Variants in ANXA10 observed in about 807,000 individuals in gnomAD.
ANXA10 encodes the protein annexin A10, also known as annexin 14.
Under a neutral mutation model 53.5 loss-of-function variants are expected in ANXA10, and 49 were observed. That is an observed-to-expected ratio of 0.92 (90% CI 0.73 to 1.16). The LOEUF (loss-of-function observed/expected upper bound fraction) is 1.16. Ranked by LOEUF, ANXA10 falls within the 50% of genes most tolerant of loss-of-function variation. ANXA10 has a pLI of 0.00. For synonymous variants in ANXA10, 131 were observed against 128.9 expected (o/e 1.02, Z -0.11); for missense variants, 393 against 394.4 (o/e 1.00, Z 0.03).
At chr4:168,127,817 C>CTTTTTTTATTTTTTTTTTTTTTT (rs1731094148) in intron 1 of ANXA10, 1 of 143,768 alleles carries the variant, frequency 7.0e-6, no homozygotes, top group African/African-American at 9.1e-5. Context: ...ATGTTGAAAC[C>CTTTTTTTATTTTTTTTTTTTTTT]TTTTTTTTTT....
intron 6 of ANXA10, among the ~76,000 whole-genome samples, chr4:168,171,901 A>G (rs1347492198): frequency 6.6e-6 from 1 of 152,188 alleles, no homozygotes; most frequent in Non-Finnish European, 1.5e-5. Context: ...TACCTAATGG[A>G]TACTTACTGC....
intron 3 of ANXA10, among the ~76,000 whole-genome samples, chr4:168,146,622 T>C (rs1170421003): frequency 6.6e-6 from 1 of 152,142 alleles, no homozygotes; most frequent in Non-Finnish European, 1.5e-5. Context: ...CAGGTAGCAA[T>C]TGTGTGATCT....
At chr4:168,129,495 A>G (rs1731125226) in intron 2 of ANXA10, among the ~76,000 whole-genome samples, 1 of 152,066 alleles carries the variant, frequency 6.6e-6, no homozygotes, top group Non-Finnish European at 1.5e-5. Flanking sequence ...GACCATCATA[A>G]TTTGTTGCTT....
rs1416404297 is a variant in ANXA10, at chr4:168,155,746, TTA to T, written c.196-6776_196-6775del. On this transcript the variant is annotated intron_variant, in intron 3 of 11. Coordinates refer to ENST00000359299, the MANE Select transcript of ANXA10 (RefSeq NM_007193.5). Reference sequence around the variant, plus strand: ...AATATAATATATGATATATCATATATTATATATTATATAATATATGATATATC... The same window carrying T: ...AATATAATATATGATATATCATATATTATATTATATAATATATGATATATC... 5.8e-3 allele frequency among the ~76,000 whole-genome samples: 223 copies of T among 38,758 alleles called. 35 individuals carry two copies. Among genetic ancestry groups the T allele is most frequent in the African/African-American group, 0.02 (187 of 9,398 alleles). The allele number at this position is 38,758 out of a possible 152,430, so 25.4% of individuals were successfully genotyped here.
intron 1 of ANXA10, chr4:168,113,244 AAAGTCC>A (rs1730839683): frequency 6.5e-6 from 1 of 152,776 alleles, no homozygotes; most frequent in Non-Finnish European, 1.5e-5. Flanking sequence ...TGGAGGCTGG[AAAGTCC>A]AAGATCAAGG....
chr4:168,104,799 TTTTA>T lies in ANXA10; in HGVS notation c.18+12089_18+12092del, dbSNP rs368696144. Among the ~76,000 whole-genome samples the T allele has an allele frequency of 1.4e-4, 22 of 151,816 alleles. 1 individual carries two copies. Among genetic ancestry groups the T allele is most frequent in the Admixed American group, 5.3e-4 (8 of 15,234 alleles). On this transcript the variant is annotated intron_variant, in intron 1 of 11. Transcript: ENST00000359299. Reference sequence around the variant, plus strand: ...TTGTCCAAATAATAACTTTACTTCATTTTATTTATTTTTCTCTTTTTAATTTTAT... The same window carrying T: ...TTGTCCAAATAATAACTTTACTTCATTTTATTTTTCTCTTTTTAATTTTAT...
In ANXA10 at chr4:168,183,023, A is replaced by G. The variant is rs867598613; in HGVS notation, c.783+1282A>G. Among the ~76,000 whole-genome samples, 507 of 125,710 alleles carry G rather than the reference A, an allele frequency of 4.0e-3. 2 individuals are homozygous for G. Among genetic ancestry groups the G allele is most frequent in the African/African-American group, 0.015 (473 of 32,444 alleles). The allele number at this position is 125,710 out of a possible 152,430, so 82.5% of individuals were successfully genotyped here. On this transcript the variant is annotated intron_variant, in intron 10 of 11. Coordinates refer to ENST00000359299, the MANE Select transcript of ANXA10 (RefSeq NM_007193.5). ...ACACCGTCTCGGAAAAAAAAAAAAA[A>G]AAAAAAGAAAAAAGAAAAGAAAAAG...
chr4:168,118,438 T>G (rs999743639), intron 1 of ANXA10, among the ~76,000 whole-genome samples: 4 of 152,204 alleles, frequency 2.6e-5, no homozygotes, highest in Non-Finnish European at 5.9e-5. Context: ...ATTTATGCTG[T>G]GCTCTCAGCT....
chr4:168,125,813 AG>A (rs768180429), intron 1 of ANXA10, among the ~76,000 whole-genome samples: 19 of 152,174 alleles, frequency 1.2e-4, no homozygotes, highest in Non-Finnish European at 1.5e-4. Flanking sequence ...TCTTCAGTAT[AG>A]TAAGTTTATG....
At chr4:168,181,845 C>T in intron 10 of ANXA10, 104 bp downstream of exon 10, 1 of 855,156 alleles carries the variant, frequency 1.2e-6, no homozygotes, top group Non-Finnish European at 1.9e-6. Context: ...CATTTTTGAA[C>T]TTGTATGTAC....
intron 6 of ANXA10, 54 bp downstream of exon 6, chr4:168,165,380 T>A: frequency 1.1e-6 from 1 of 894,942 alleles, no homozygotes; most frequent in Non-Finnish European, 1.5e-6. Flanking sequence ...AATAAGTATA[T>A]GTCATTGCCA....
intron 1 of ANXA10, 118 bp downstream of exon 1, chr4:168,092,836 C>A: frequency 1.1e-6 from 1 of 901,218 alleles, no homozygotes; most frequent in Non-Finnish European, 1.6e-6. Flanking sequence ...TGTTTTTATT[C>A]TTACTACTTT....
intron 1 of ANXA10, among the ~76,000 whole-genome samples, chr4:168,126,509 T>G (rs1209341758): frequency 6.6e-6 from 1 of 152,178 alleles, no homozygotes; most frequent in Non-Finnish European, 1.5e-5. Flanking sequence ...CTCTATCTTT[T>G]GCATCTCATA....
intron 3 of ANXA10, among the ~76,000 whole-genome samples, chr4:168,153,265 C>T (rs564839668): frequency 6.6e-6 from 1 of 151,964 alleles, no homozygotes; most frequent in East Asian, 1.9e-4. Flanking sequence ...CATTGACAAT[C>T]GGATATAGCA....
intron 3 of ANXA10, among the ~76,000 whole-genome samples, chr4:168,155,641 TAATTATACATTATATAGTATATTA>T (rs1731611422): frequency 3.6e-5 from 2 of 54,988 alleles, no homozygotes; most frequent in African/African-American, 7.4e-5. Context: ...TAATTATATA[TAATTATACATTATATAGTATATTA>T]TATATAATTA....
At chr4:168,124,275 A>G (rs553570242) in intron 1 of ANXA10, among the ~76,000 whole-genome samples, 21 of 152,306 alleles carry the variant, frequency 1.4e-4, no homozygotes, top group Admixed American at 3.3e-4. Flanking sequence ...CCATGATCAT[A>G]AGGTGAAGTC....
At position 168,179,276 on chromosome 4, in the gene ANXA10, T is replaced by C; in HGVS notation, c.688T>C (p.Tyr230His). 1 of 1,612,072 alleles carries C rather than the reference T, an allele frequency of 6.2e-7. No individual in the cohort carries two copies. Residue 230 changes from tyrosine (Y) to histidine (H), a missense_variant, in exon 9 of 12, where the codon TAT becomes CAT. By Grantham distance (83) the Tyr-to-His change is moderately conservative (BLOSUM62 2). Coordinates refer to ENST00000359299, the MANE Select transcript of ANXA10 (RefSeq NM_007193.5). ...TATGGTAGATGCCATTAATGAATGT[T>C]ATGATGGATACTTTCAGGAGCTGCT... ...QDMVDAINEC[Y>H]DGYFQELLVA...
intron 3 of ANXA10, among the ~76,000 whole-genome samples, chr4:168,158,021 T>A (rs2149476474): frequency 6.6e-6 from 1 of 152,300 alleles, no homozygotes; most frequent in East Asian, 1.9e-4. Flanking sequence ...ACAAAAGAGT[T>A]TGCTAACGTG....
At chr4:168,144,464 G>A (rs987118078) in intron 3 of ANXA10, among the ~76,000 whole-genome samples, 2 of 152,216 alleles carry the variant, frequency 1.3e-5, no homozygotes, top group African/African-American at 4.8e-5. Flanking sequence ...TGGGATTACA[G>A]GCATGAGCCA....
Sources: allele counts gnomAD v4.1 joint callset (sites outside exome capture counted in the v4.1 genomes callset), GRCh38; gene constraint gnomAD v4.1.1; transcripts MANE v1.5; gene names NCBI Gene and HGNC (gene_info 2026-07-23, HGNC 2026-07-21).